Variants in SHQ1 observed in about 807,000 individuals in gnomAD.
The protein encoded by SHQ1 is protein SHQ1 homolog.
SHQ1 carries 49 observed loss-of-function variants against 53.8 expected under a neutral mutation model. The ratio of observed to expected loss-of-function variants is 0.91; its 90% CI spans 0.72 to 1.16. SHQ1 has a LOEUF of 1.16. Among genes scored for constraint, SHQ1 ranks in the 50% most tolerant of loss-of-function variants. The pLI, the probability that SHQ1 is intolerant of heterozygous loss-of-function variation, is 0.00. For missense variants in SHQ1, 738 were observed against 683.1 expected, an observed-to-expected ratio of 1.08 and a Z score of -0.90; for synonymous variants, 243 against 251.0, an observed-to-expected ratio of 0.97 and a Z score of 0.30.
chr3:72,787,867 G>T (rs969898924), intron 10 of SHQ1, among the ~76,000 whole-genome samples: 2 of 152,142 alleles, frequency 1.3e-5, no homozygotes, highest in African/African-American at 4.8e-5. Context: ...GGCGTGCGCC[G>T]CCACGCCTGA....
At chr3:72,791,168 C>T (rs1706422941) in intron 10 of SHQ1, among the ~76,000 whole-genome samples, 1 of 152,066 alleles carries the variant, frequency 6.6e-6, no homozygotes, top group Non-Finnish European at 1.5e-5. Context: ...TACATGTTTA[C>T]AAAATCATCA....
At chr3:72,783,702 A>G (rs867046269) in intron 10 of SHQ1, among the ~76,000 whole-genome samples, 2 of 152,286 alleles carry the variant, frequency 1.3e-5, no homozygotes, top group Middle Eastern at 3.4e-3. Context: ...TTATGTTTCT[A>G]TTTCTAAAAA....
chr3:72,843,824 T>C (rs966505740), intron 2 of SHQ1, among the ~76,000 whole-genome samples: 2 of 151,970 alleles, frequency 1.3e-5, no homozygotes, highest in African/African-American at 4.8e-5. Context: ...ACACAAGGTG[T>C]TCTAAATCCG....
chr3:72,742,619 C>CTTTTTTTTTTTTTTTTTTTT, the SHQ1 span, among the ~76,000 whole-genome samples: 2 of 128,612 alleles, frequency 1.6e-5, no homozygotes, highest in Non-Finnish European at 3.2e-5. Context: ...TTCTTTTTTT[C>CTTTTTTTTTTTTTTTTTTTT]TTTTTTTTTT....
intron 1 of SHQ1, among the ~76,000 whole-genome samples, chr3:72,846,799 G>A (rs891331373): frequency 6.6e-6 from 1 of 152,120 alleles, no homozygotes; most frequent in Non-Finnish European, 1.5e-5. Context: ...TCCATCCACG[G>A]CAACGGGTAA....
At chr3:72,826,726 G>C (rs762411609) in intron 5 of SHQ1, among the ~76,000 whole-genome samples, 6 of 152,188 alleles carry the variant, frequency 3.9e-5, no homozygotes, top group East Asian at 3.8e-4. Flanking sequence ...CCAGATGAAG[G>C]GGGTGGGACA....
At chr3:72,728,901 C>T in the SHQ1 span, among the ~76,000 whole-genome samples, 1 of 152,220 alleles carries the variant, frequency 6.6e-6, no homozygotes, top group Non-Finnish European at 1.5e-5. Context: ...CCTTGACGCT[C>T]AGAACCAGGT....
In SHQ1 at chr3:72,848,376, C is replaced by T. The variant is rs371048371; in HGVS notation, c.-36G>A. ...GACGCAAGGGCCGGCGCCGCTCGCT[C>T]TCACTGCCGCCGCGTTCCCGCCACG... is the stretch of plus-strand genomic sequence containing the variant. On this transcript the variant is annotated 5_prime_UTR_variant, in exon 1 of 11. Coordinates refer to ENST00000325599, the MANE Select transcript of SHQ1 (RefSeq NM_018130.3). 6.2e-7 allele frequency: 1 copy of T among 1,609,456 alleles called. No individual in the cohort carries two copies.
chr3:72,789,940 G>C (rs938234763), intron 10 of SHQ1, among the ~76,000 whole-genome samples: 1 of 152,130 alleles, frequency 6.6e-6, no homozygotes, highest in African/African-American at 2.4e-5. Flanking sequence ...TGCATAAGTG[G>C]CATATCTTGA....
Position 72,800,859 on chromosome 3 carries a change from A to T in SHQ1, c.1061-7823T>A, listed in dbSNP as rs572584902. On this transcript the variant is annotated intron_variant, in intron 9 of 10. Transcript: ENST00000325599. The stretch of plus-strand genomic sequence containing the variant: ...GACAAGAAAAGAATGTAGCTGTACA[A>T]ACTTTATTACATCACTGTACCACCA... Among the ~76,000 whole-genome samples the T allele has an allele frequency of 3.3e-5, 5 of 152,342 alleles. No homozygotes were observed. In the South Asian group the frequency reaches 1.0e-3, roughly 32 times the overall value.
the SHQ1 span, among the ~76,000 whole-genome samples, chr3:72,742,697 A>G: frequency 6.7e-6 from 1 of 148,500 alleles, no homozygotes; most frequent in Admixed American, 6.8e-5. Flanking sequence ...GCTCACTGCA[A>G]CCTCTGCCTC....
In SHQ1 at chr3:72,848,063, C is replaced by A. The variant is rs949669275; in HGVS notation, c.143+135G>T. On this transcript the variant is annotated intron_variant, in intron 1 of 10. Coordinates refer to ENST00000325599, the MANE Select transcript of SHQ1 (RefSeq NM_018130.3). ...CCCCTGGAAGAGGGCAGTTCCCTGG[C>A]ACCAAGAGAAGCTGCGGAAACGTCG... is the stretch of plus-strand genomic sequence containing the variant. The A allele has an allele frequency of 7.4e-5, 80 of 1,079,000 alleles. 1 individual carries two copies. Among genetic ancestry groups the A allele is most frequent in the Non-Finnish European group, 1.1e-4 (76 of 720,838 alleles). The allele number at this position is 1,079,000 out of a possible 1,614,324, so 66.8% of individuals were successfully genotyped here.
chr3:72,817,495 T>C (rs951004493), intron 6 of SHQ1, 111 bp from the exon 7 acceptor site: 23 of 1,032,014 alleles, frequency 2.2e-5, no homozygotes, highest in Non-Finnish European at 3.0e-5. Flanking sequence ...ATAAAAGTTC[T>C]TTCTACTTAA....
intron 5 of SHQ1, among the ~76,000 whole-genome samples, chr3:72,829,111 G>C (rs751993092): frequency 1.3e-5 from 2 of 151,852 alleles, no homozygotes; most frequent in Admixed American, 1.3e-4. Context: ...TGTGGGATAA[G>C]AAAGAAGGCA....
chr3:72,810,828 GCACT>G (rs1707097600), intron 9 of SHQ1, among the ~76,000 whole-genome samples: 1 of 152,094 alleles, frequency 6.6e-6, no homozygotes, highest in Non-Finnish European at 1.5e-5. Flanking sequence ...CTCAGTTTTA[GCACT>G]AACTAGCCAC....
intron 4 of SHQ1, among the ~76,000 whole-genome samples, chr3:72,837,483 C>T (rs140197033): frequency 6.6e-6 from 1 of 152,094 alleles, no homozygotes; most frequent in East Asian, 1.9e-4. Context: ...TATAATAAAT[C>T]TGTATTGCTT....
At chr3:72,751,498 G>GTATATA (rs1274696079) in intron 10 of SHQ1, among the ~76,000 whole-genome samples, 1 of 119,862 alleles carries the variant, frequency 8.3e-6, no homozygotes, top group Non-Finnish European at 1.6e-5. Flanking sequence ...GTGTGTGTGT[G>GTATATA]TGTGTGTGTG....
At chr3:72,772,029 G>A (rs550634604) in intron 10 of SHQ1, among the ~76,000 whole-genome samples, 1 of 152,246 alleles carries the variant, frequency 6.6e-6, no homozygotes, top group Admixed American at 6.5e-5. Context: ...CAAAATAAAG[G>A]CTTACGAAAG....
chr3:72,738,175 C>T, the SHQ1 span, among the ~76,000 whole-genome samples: 1 of 152,186 alleles, frequency 6.6e-6, no homozygotes, highest in African/African-American at 2.4e-5. Flanking sequence ...TGGGTGACCC[C>T]TACTCACTGA....
Sources: allele counts gnomAD v4.1 joint callset (sites outside exome capture counted in the v4.1 genomes callset), GRCh38; gene constraint gnomAD v4.1.1; transcripts MANE v1.5; gene names NCBI Gene and HGNC (gene_info 2026-07-23, HGNC 2026-07-21).